Variants in TMPRSS2 observed in about 807,000 individuals in gnomAD.
TMPRSS2 encodes transmembrane serine protease 2, also known as transmembrane protease serine 2.
In TMPRSS2, 59 loss-of-function variants were observed where a neutral mutation model predicts 67.4. The observed-to-expected ratio is 0.88, with a 90% CI of 0.71 to 1.09. The LOEUF is 1.09. Among genes scored for constraint, TMPRSS2 ranks in the 50% least tolerant of loss-of-function variants. The probability of loss-of-function intolerance (pLI) is 0.00; values close to 1 mark genes in which losing one functional copy is unlikely to be tolerated. For missense variants in TMPRSS2, 668 were observed against 642.7 expected, an observed-to-expected ratio of 1.04 and a Z score of -0.43; for synonymous variants, 257 against 257.0, an observed-to-expected ratio of 1.00 and a Z score of 0.00.
At chr21:41,468,698 C>G in intron 11 of TMPRSS2, 160 bp from the exon 12 acceptor site, 2 of 713,358 alleles carry the variant, frequency 2.8e-6, no homozygotes, top group Non-Finnish European at 4.5e-6. Flanking sequence ...AACCCCTCTC[C>G]TGGGAAACCT....
At chr21:41,506,838 C>T (rs1352420913) in intron 1 of TMPRSS2, among the ~76,000 whole-genome samples, 1 of 152,210 alleles carries the variant, frequency 6.6e-6, no homozygotes, top group Non-Finnish European at 1.5e-5. Context: ...GAGGTTCTCG[C>T]GGCTGGGAGC....
intron 5 of TMPRSS2, chr21:41,486,945 G>A (rs1298028741): frequency 2.0e-5 from 3 of 152,182 alleles, no homozygotes; most frequent in African/African-American, 4.8e-5. Context: ...GGTGGGAGTG[G>A]AAGTTGCTAC....
chr21:41,494,847 G>T, intron 2 of TMPRSS2: 1 of 442,378 alleles, frequency 2.3e-6, no homozygotes, highest in Non-Finnish European at 4.2e-6. Flanking sequence ...GAGGCGGGCG[G>T]ATCATGAGGT....
At chr21:41,488,691 G>A (rs909837422) in intron 4 of TMPRSS2, among the ~76,000 whole-genome samples, 178 bp from the exon 5 acceptor site, 3 of 152,188 alleles carry the variant, frequency 2.0e-5, no homozygotes, top group Non-Finnish European at 4.4e-5. Context: ...AGGCTGGAGT[G>A]CAGGGGCACA....
chr21:41,500,817 T>G (rs1168052588), intron 1 of TMPRSS2, among the ~76,000 whole-genome samples: 1 of 152,252 alleles, frequency 6.6e-6, no homozygotes, highest in Non-Finnish European at 1.5e-5. Flanking sequence ...TGCCTATGTC[T>G]GCTTTGTGAA....
intron 12 of TMPRSS2, 90 bp from the exon 13 acceptor site, chr21:41,467,976 G>C (rs2091098729): frequency 3.4e-6 from 5 of 1,464,170 alleles, no homozygotes; most frequent in Non-Finnish European, 2.8e-6. Context: ...TGGGGGGCGG[G>C]GGTCGCAGTG....
At chr21:41,484,305 G>A (rs536399456) in intron 5 of TMPRSS2, among the ~76,000 whole-genome samples, 3 of 152,306 alleles carry the variant, frequency 2.0e-5, no homozygotes, top group African/African-American at 7.2e-5. Context: ...ATAGAGTACA[G>A]CATTGATAAC....
chr21:41,502,426 G>A, intron 1 of TMPRSS2: 3 of 985,418 alleles, frequency 3.0e-6, no homozygotes, highest in Non-Finnish European at 3.6e-6. Flanking sequence ...CCCCACCTGT[G>A]ACTGGTACGG....
intron 9 of TMPRSS2, among the ~76,000 whole-genome samples, 165 bp from the exon 10 acceptor site, chr21:41,472,146 C>T (rs1439932838): frequency 6.6e-6 from 1 of 151,618 alleles, no homozygotes; most frequent in Non-Finnish European, 1.5e-5. Context: ...CCCTTCTCCC[C>T]CACACTCCCC....
chr21:41,478,783 T>C lies in TMPRSS2; in HGVS notation c.683+389A>G, dbSNP rs1339574692. Among the ~76,000 whole-genome samples the C allele has an allele frequency of 6.6e-6, 1 of 152,212 alleles. No individual in the cohort carries two copies. Among genetic ancestry groups the C allele is most frequent in the Non-Finnish European group, 1.5e-5 (1 of 68,042 alleles). ...CAGTGAAGTCCCTGGCAAACTGGAA[T>C]GAGCCGGTCACCCTGGCTGGGACAC... On this transcript the variant is annotated intron_variant, in intron 7 of 13. Transcript: ENST00000332149. The surrounding 1 kb of genome is among the most constrained non-coding windows in gnomAD (Gnocchi z 4.0).
At chr21:41,506,045 C>A (rs2091455428) in intron 1 of TMPRSS2, among the ~76,000 whole-genome samples, 1 of 152,196 alleles carries the variant, frequency 6.6e-6, no homozygotes, top group Non-Finnish European at 1.5e-5. Context: ...AAAAAAGTGC[C>A]ACATCAATGT....
At chr21:41,479,857 C>G (rs181979537) in intron 6 of TMPRSS2, among the ~76,000 whole-genome samples, 2 of 152,312 alleles carry the variant, frequency 1.3e-5, no homozygotes, top group Non-Finnish European at 2.9e-5. Context: ...TGCCGCATCT[C>G]CCCAGGCAGT....
chr21:41,503,188 G>A (rs1468699499), intron 1 of TMPRSS2, among the ~76,000 whole-genome samples: 4 of 152,334 alleles, frequency 2.6e-5, no homozygotes, highest in African/African-American at 9.6e-5. Context: ...GCGATAAGAT[G>A]CCCACACCCA....
chr21:41,483,248 A>G (rs1053854407), intron 5 of TMPRSS2, among the ~76,000 whole-genome samples: 1 of 152,040 alleles, frequency 6.6e-6, no homozygotes, highest in Admixed American at 6.5e-5. Context: ...CCGCTCTAAA[A>G]TATAAAGTCT....
chr21:41,468,217 G>A (rs546753468), intron 12 of TMPRSS2, 179 bp downstream of exon 12: 14 of 731,012 alleles, frequency 1.9e-5, no homozygotes, highest in South Asian at 7.7e-5. Flanking sequence ...TTTGTTGACT[G>A]TACTTCCTTC....
intron 2 of TMPRSS2, among the ~76,000 whole-genome samples, chr21:41,495,067 CA>C (rs3037875): frequency 0.7 from 95,272 of 136,768 alleles, 33,553 homozygotes; most frequent in Non-Finnish European, 0.79. Context: ...GACTATGTCT[CA>C]AAAAAAAAAA....
chr21:41,468,309 C>T lies in TMPRSS2; in HGVS notation c.1314+87G>A, dbSNP rs528337775. 426 of 1,546,344 alleles carry T rather than the reference C, an allele frequency of 2.8e-4. 2 individuals are homozygous for T. The South Asian group carries it at 5.0e-3, about 18-fold the overall frequency. On this transcript the variant is annotated intron_variant, in intron 12 of 13. Coordinates refer to ENST00000332149, the MANE Select transcript of TMPRSS2 (RefSeq NM_005656.4). ...CTGGCTCCGTGTCACTGAGGAGGCT[C>T]TGCTGACCCCAAGAATGCCCTCTCT...
intron 4 of TMPRSS2, among the ~76,000 whole-genome samples, chr21:41,488,950 C>T (rs572164476): frequency 6.6e-6 from 1 of 152,168 alleles, no homozygotes; most frequent in South Asian, 2.1e-4. Context: ...CAATCCCCCA[C>T]TTTAATAAGG....
intron 1 of TMPRSS2, 190 bp downstream of exon 1, chr21:41,507,891 G>T: frequency 6.7e-7 from 1 of 1,483,562 alleles, no homozygotes. Context: ...CACTCTCCCA[G>T]CACCCCGGGA....
Sources: allele counts gnomAD v4.1 joint callset (sites outside exome capture counted in the v4.1 genomes callset), GRCh38; gene constraint gnomAD v4.1.1; non-coding constraint Gnocchi (gnomAD v3.1); transcripts MANE v1.5; gene names NCBI Gene and HGNC (gene_info 2026-07-23, HGNC 2026-07-21).